ULK4: variants seen among roughly 807,000 people sequenced by gnomAD.
ULK4 encodes inactive serine/threonine-protein kinase ULK4.
ULK4 carries 133 observed loss-of-function variants against 160.6 expected under a neutral mutation model. The ratio of observed to expected loss-of-function variants is 0.83; its 90% confidence interval spans 0.72 to 0.96. ULK4 has a LOEUF of 0.96. Among genes scored for constraint, ULK4 ranks in the 40% least tolerant of loss-of-function variants. The pLI is 0.00. For missense variants in ULK4, 1,580 were observed against 1,499.5 expected, an observed-to-expected ratio of 1.05 and a Z score of -0.89; for synonymous variants, 534 against 539.8, an observed-to-expected ratio of 0.99 and a Z score of 0.15.
At chr3:41,395,043 T>G (rs2082027777) in intron 35 of ULK4, among the ~76,000 whole-genome samples, 1 of 152,080 alleles carries the variant, frequency 6.6e-6, no homozygotes, top group Non-Finnish European at 1.5e-5. Flanking sequence ...AAACAGTTGT[T>G]GTGATCCCAA....
intron 35 of ULK4, among the ~76,000 whole-genome samples, chr3:41,320,896 GAC>G (rs2080232857): frequency 6.6e-6 from 1 of 152,168 alleles, no homozygotes; most frequent in Non-Finnish European, 1.5e-5. Flanking sequence ...CAGCCTGGGT[GAC>G]AGAGTGACAC....
At chr3:41,257,860 C>A (rs1323042930) in intron 35 of ULK4, among the ~76,000 whole-genome samples, 1 of 152,028 alleles carries the variant, frequency 6.6e-6, no homozygotes, top group Non-Finnish European at 1.5e-5. Flanking sequence ...TGCAATCAGA[C>A]TTATAGAGTC....
intron 1 of ULK4, among the ~76,000 whole-genome samples, chr3:41,957,174 C>G (rs1700510254): frequency 6.6e-6 from 1 of 152,132 alleles, no homozygotes; most frequent in Middle Eastern, 3.2e-3. Flanking sequence ...TTCTTTCAGG[C>G]TGGGTGCAGT....
intron 34 of ULK4, among the ~76,000 whole-genome samples, chr3:41,424,293 G>A (rs1165719206): frequency 1.3e-5 from 2 of 152,202 alleles, no homozygotes; most frequent in African/African-American, 2.4e-5. Flanking sequence ...CCCCTGGGGG[G>A]AGGGGCAGCC....
chr3:41,597,110 T>C (rs1425456073), intron 31 of ULK4, among the ~76,000 whole-genome samples: 1 of 152,116 alleles, frequency 6.6e-6, no homozygotes, highest in Admixed American at 6.5e-5. Flanking sequence ...TAAAGTCCTG[T>C]GAGGACCCCT....
intron 31 of ULK4, among the ~76,000 whole-genome samples, chr3:41,599,904 G>A (rs1056532122): frequency 2.8e-4 from 43 of 152,126 alleles, no homozygotes; most frequent in African/African-American, 1.0e-3. Flanking sequence ...CTGAATAATA[G>A]CTTAATATCT....
rs1352949535 is a variant in ULK4 at position 41,470,043 on chromosome 3, A to AC, written c.3227-6791_3227-6790insG. Among the ~76,000 whole-genome samples the AC allele has an allele frequency of 3.2e-4, 47 of 148,426 alleles. 1 individual carries two copies. The highest frequency in any genetic ancestry group is 1.1e-3 in the African/African-American group (44 of 40,314). ...GAAAAAAAAAAAAAAAAAAAAAAAA[A>AC]AAACAAAGTATTTTTAAAGGAACTA... is the stretch of plus-strand genomic sequence containing the variant. On this transcript the variant is annotated intron_variant, in intron 32 of 36. Transcript: ENST00000301831.
intron 32 of ULK4, among the ~76,000 whole-genome samples, chr3:41,525,799 T>C (rs2086095732): frequency 6.6e-6 from 1 of 152,244 alleles, no homozygotes; most frequent in Non-Finnish European, 1.5e-5. Context: ...TGGTTCCCTT[T>C]CACTTCTTCT....
chr3:41,671,639 A>T (rs896119125), intron 29 of ULK4, among the ~76,000 whole-genome samples: 7 of 152,192 alleles, frequency 4.6e-5, no homozygotes, highest in Middle Eastern at 3.4e-3. Flanking sequence ...CATAGGGAAA[A>T]CTCTTCAGGA....
intron 18 of ULK4, among the ~76,000 whole-genome samples, chr3:41,834,860 A>G (rs1219767698): frequency 6.6e-6 from 1 of 152,262 alleles, no homozygotes; most frequent in Non-Finnish European, 1.5e-5. Flanking sequence ...CCTGGGCAAC[A>G]TGGCGAAACC....
chr3:41,649,877 C>A (rs1335677228), intron 30 of ULK4, among the ~76,000 whole-genome samples: 1 of 152,190 alleles, frequency 6.6e-6, no homozygotes, highest in African/African-American at 2.4e-5. Flanking sequence ...GAGTACATGG[C>A]CCAGAGTGAG....
chr3:41,617,987 C>T (rs2033060305), intron 30 of ULK4, among the ~76,000 whole-genome samples: 1 of 151,988 alleles, frequency 6.6e-6, no homozygotes, highest in African/African-American at 2.4e-5. Flanking sequence ...ACACAACTAT[C>T]AATAGCTGAA....
At chr3:41,312,777 C>T (rs1001345556) in intron 35 of ULK4, among the ~76,000 whole-genome samples, 1 of 152,178 alleles carries the variant, frequency 6.6e-6, no homozygotes, top group Non-Finnish European at 1.5e-5. Flanking sequence ...CACTGCACTC[C>T]AGCCTGGGCA....
At chr3:41,772,061 C>T (rs1469016942) in intron 21 of ULK4, among the ~76,000 whole-genome samples, 5 of 152,160 alleles carry the variant, frequency 3.3e-5, no homozygotes, top group South Asian at 2.1e-4. Context: ...CTCTGGGACA[C>T]ATTTAAAGCA....
chr3:41,889,300 A>G (rs1268891954), intron 16 of ULK4, among the ~76,000 whole-genome samples: 1 of 152,218 alleles, frequency 6.6e-6, no homozygotes, highest in Non-Finnish European at 1.5e-5. Flanking sequence ...TCAGAAGTAT[A>G]TGATACACCA....
intron 23 of ULK4, among the ~76,000 whole-genome samples, chr3:41,716,256 A>AATG (rs1175690295): frequency 6.7e-6 from 1 of 148,200 alleles, no homozygotes; most frequent in African/African-American, 2.5e-5. Flanking sequence ...TAATAATAAT[A>AATG]AGTGAACGAA....
intron 18 of ULK4, among the ~76,000 whole-genome samples, chr3:41,827,283 A>G (rs1482100604): frequency 4.6e-5 from 7 of 150,680 alleles, no homozygotes; most frequent in Non-Finnish European, 1.0e-4. Context: ...TTCAACAGCT[A>G]GCAGAAGGCA....
intron 32 of ULK4, among the ~76,000 whole-genome samples, chr3:41,564,471 T>G (rs2087717465): frequency 1.4e-5 from 2 of 137,986 alleles, no homozygotes; most frequent in African/African-American, 5.4e-5. Context: ...TTTTTTTTTT[T>G]TTTTGAGACA....
chr3:41,845,484 T>C (rs932823935), intron 17 of ULK4, among the ~76,000 whole-genome samples: 1 of 151,914 alleles, frequency 6.6e-6, no homozygotes, highest in African/African-American at 2.4e-5. Flanking sequence ...CAAAAATATA[T>C]AAATGGAAAA....
Sources: allele counts gnomAD v4.1 joint callset (sites outside exome capture counted in the v4.1 genomes callset), GRCh38; gene constraint gnomAD v4.1.1; transcripts MANE v1.5; gene names NCBI Gene and HGNC (gene_info 2026-07-23, HGNC 2026-07-21).